NSUN6: variants seen among roughly 807,000 people sequenced by gnomAD.
NSUN6 encodes NOP2/Sun RNA methyltransferase 6.
In NSUN6, 64 loss-of-function variants were observed where a neutral mutation model predicts 58.0. The observed-to-expected ratio is 1.10, with a 90% CI of 0.90 to 1.36. The LOEUF is 1.36. Among genes scored for constraint, NSUN6 ranks in the 40% most tolerant of loss-of-function variants. NSUN6 has a pLI of 0.00. For synonymous variants in NSUN6, 231 were observed against 193.9 expected (o/e 1.19, Z -1.59); for missense variants, 701 against 550.1 (o/e 1.27, Z -2.74).
Position 18,561,343 on chromosome 10 carries a change from T to C in NSUN6, c.923-9372A>G, listed in dbSNP as rs2055490918. ...ATGGAGAATGGAATAGAATATGGAA[T>C]AGAATGGAGAACGGAATGGAGAATA... On this transcript the variant is annotated intron_variant, in intron 8 of 10. Coordinates refer to ENST00000377304, the MANE Select transcript of NSUN6 (RefSeq NM_182543.5). Among the ~76,000 whole-genome samples, 4 of 75,788 alleles carry C rather than the reference T, an allele frequency of 5.3e-5. 2 individuals are homozygous for C. The highest frequency in any genetic ancestry group is 1.1e-4 in the Non-Finnish European group (4 of 37,636). 49.7% of individuals were successfully genotyped at this position (75,788 alleles called of 152,430 possible). A position where few individuals can be genotyped will look rare whatever the true frequency, so the allele number is the denominator to read the frequency against.
chr10:18,550,617 C>T (rs1349669166), intron 9 of NSUN6, among the ~76,000 whole-genome samples: 1 of 152,058 alleles, frequency 6.6e-6, no homozygotes, highest in Non-Finnish European at 1.5e-5. Flanking sequence ...TAAATTTGTA[C>T]AGTTTTTATG....
chr10:18,610,235 C>A (rs1031766122), intron 5 of NSUN6, among the ~76,000 whole-genome samples: 11 of 152,030 alleles, frequency 7.2e-5, no homozygotes, highest in Non-Finnish European at 1.0e-4. Context: ...GTAATCCCAG[C>A]TCCTCAGGAG....
chr10:18,650,124 T>C (rs1448761944), intron 1 of NSUN6, among the ~76,000 whole-genome samples: 2 of 152,154 alleles, frequency 1.3e-5, no homozygotes, highest in East Asian at 3.8e-4. Context: ...AGGACTTCTG[T>C]GGCAGGCACT....
At chr10:18,608,053 A>G (rs2058103188) in intron 6 of NSUN6, among the ~76,000 whole-genome samples, 1 of 152,234 alleles carries the variant, frequency 6.6e-6, no homozygotes, top group Non-Finnish European at 1.5e-5. Flanking sequence ...GGCCATCAAA[A>G]TAGATTACAT....
intron 3 of NSUN6, among the ~76,000 whole-genome samples, chr10:18,621,411 C>G (rs1299921299): frequency 6.6e-6 from 1 of 152,196 alleles, no homozygotes; most frequent in Non-Finnish European, 1.5e-5. Flanking sequence ...TAGAGAATCA[C>G]AGAACCAAGG....
At chr10:18,578,145 T>C in intron 8 of NSUN6, among the ~76,000 whole-genome samples, 1 of 152,034 alleles carries the variant, frequency 6.6e-6, no homozygotes, top group Non-Finnish European at 1.5e-5. Context: ...GGAGGTGCCC[T>C]GCTCTGAGTC....
At position 18,651,297 on chromosome 10, in the gene NSUN6, G is replaced by C; in HGVS notation, c.-94C>G. 6.9e-7 allele frequency: 1 copy of C among 1,440,402 alleles called. No homozygotes were observed. The allele number at this position is 1,440,402 out of a possible 1,614,324, so 89.2% of individuals were successfully genotyped here. A position where few individuals can be genotyped will look rare whatever the true frequency, so the allele number is the denominator to read the frequency against. On this transcript the variant is annotated 5_prime_UTR_variant, in exon 1 of 11. Coordinates refer to ENST00000377304, the MANE Select transcript of NSUN6 (RefSeq NM_182543.5). ...CCGAATTAATAGTGACGAGTGTCTT[G>C]ACACCAGATGCTGAGGAAAATCTTG...
chr10:18,653,902 G>C (rs1219690780), upstream of NSUN6, among the ~76,000 whole-genome samples: 2 of 152,128 alleles, frequency 1.3e-5, no homozygotes. Context: ...AGGGTGTGGG[G>C]AACTCAGGGA....
chr10:18,602,369 G>T (rs897633955), intron 6 of NSUN6, among the ~76,000 whole-genome samples: 1 of 151,406 alleles, frequency 6.6e-6, no homozygotes, highest in Non-Finnish European at 1.5e-5. Flanking sequence ...TCAGCCTCCC[G>T]AGTAGCTGGG....
chr10:18,652,570 T>TG, upstream of NSUN6: 2 of 170,072 alleles, frequency 1.2e-5, no homozygotes, highest in South Asian at 3.9e-4. Flanking sequence ...TTCTCTGCTC[T>TG]TTTTTTTTTT....
chr10:18,565,738 T>A (rs982378672), intron 8 of NSUN6, among the ~76,000 whole-genome samples: 2 of 150,280 alleles, frequency 1.3e-5, no homozygotes, highest in African/African-American at 2.4e-5. Context: ...CACAACAATC[T>A]CCATTCCACG....
upstream of NSUN6, chr10:18,651,937 G>A (rs2059717654): frequency 1.0e-6 from 1 of 985,334 alleles, no homozygotes; most frequent in African/African-American, 1.7e-5. Context: ...TTGCTGTCCT[G>A]CCAGATGTCC....
chr10:18,596,410 G>T, intron 6 of NSUN6, 83 bp from the exon 7 acceptor site: 2 of 906,300 alleles, frequency 2.2e-6, no homozygotes, highest in South Asian at 1.5e-5. Context: ...AGAACCCTTT[G>T]GGGGTAATCC....
At chr10:18,572,885 T>C (rs2056450014) in intron 8 of NSUN6, among the ~76,000 whole-genome samples, 1 of 151,412 alleles carries the variant, frequency 6.6e-6, no homozygotes, top group East Asian at 2.0e-4. Context: ...CTCCATTTCA[T>C]TCCATTCTCC....
intron 3 of NSUN6, among the ~76,000 whole-genome samples, chr10:18,617,331 G>C (rs768203799): frequency 3.6e-4 from 54 of 151,892 alleles, no homozygotes; most frequent in Non-Finnish European, 7.2e-4. Flanking sequence ...GGGATTACAG[G>C]TGCTCGCCAC....
intron 2 of NSUN6, among the ~76,000 whole-genome samples, chr10:18,645,306 T>C (rs757887872): frequency 4.6e-5 from 7 of 152,184 alleles, no homozygotes; most frequent in Admixed American, 2.6e-4. Flanking sequence ...GTTTAATGTA[T>C]ATAAACTGTT....
intron 3 of NSUN6, among the ~76,000 whole-genome samples, chr10:18,640,510 G>T (rs1052182893): frequency 6.6e-6 from 1 of 152,214 alleles, no homozygotes; most frequent in African/African-American, 2.4e-5. Context: ...CATAAGGAGT[G>T]TAGTAACCTC....
At position 18,574,815 on chromosome 10, in the gene NSUN6, T is replaced by C. The variant is rs139986751; in HGVS notation, c.922+11134A>G. On this transcript the variant is annotated intron_variant, in intron 8 of 10. Coordinates refer to ENST00000377304, the MANE Select transcript of NSUN6 (RefSeq NM_182543.5). ...CAAGACCTTGTTCACAAGGAGCTAA[T>C]CACCCGAGTACTGAATAATCTTCAG... Among the ~76,000 whole-genome samples the C allele has an allele frequency of 3.8e-3, 578 of 152,260 alleles. 5 individuals carry two copies. The highest frequency in any genetic ancestry group is 0.013 in the African/African-American group (546 of 41,564).
At chr10:18,600,047 G>T (rs993547183) in intron 6 of NSUN6, among the ~76,000 whole-genome samples, 1 of 152,252 alleles carries the variant, frequency 6.6e-6, no homozygotes, top group South Asian at 2.1e-4. Flanking sequence ...TTTGGGTAAT[G>T]TAAGATGCTA....
Sources: allele counts gnomAD v4.1 joint callset (sites outside exome capture counted in the v4.1 genomes callset), GRCh38; gene constraint gnomAD v4.1.1; transcripts MANE v1.5; gene names NCBI Gene and HGNC (gene_info 2026-07-23, HGNC 2026-07-21).